The following SLA2 variants were observed in gnomAD, a reference collection of about 807,000 sequenced individuals.
SLA2 encodes Src like adaptor 2.
SLA2 carries 22 observed loss-of-function variants against 27.3 expected under a neutral mutation model. That is an observed-to-expected ratio of 0.81 (90% CI 0.58 to 1.15). SLA2 has a LOEUF of 1.15. SLA2 is among the 50% of genes most tolerant of loss of function. The pLI is 0.00. For synonymous variants in SLA2, 131 were observed against 137.8 expected (o/e 0.95, Z 0.34); for missense variants, 304 against 322.2 (o/e 0.94, Z 0.43).
rs749561301 is a variant in SLA2 at position 36,641,370 on chromosome 20, G to A, written c.-35C>T. 4.9e-5 allele frequency: 77 copies of A among 1,580,412 alleles called. No homozygotes were observed. In the East Asian group the frequency reaches 1.1e-3, roughly 22 times the overall value. On this transcript the variant is annotated 5_prime_UTR_variant, in exon 2 of 8. Transcript: ENST00000262866. Reference sequence around the variant, plus strand: ...GCAGAGCACTCAGAAGCACATCATCGAGGGAAATCTGAAAGAGACACAGTG... The same window carrying A: ...GCAGAGCACTCAGAAGCACATCATCAAGGGAAATCTGAAAGAGACACAGTG...
intron 2 of SLA2, among the ~76,000 whole-genome samples, chr20:36,640,988 T>A (rs757740931): frequency 2.0e-5 from 3 of 152,184 alleles, no homozygotes; most frequent in African/African-American, 4.8e-5. Flanking sequence ...CATGCCCTCC[T>A]GGTTTAATAT....
intron 1 of SLA2, among the ~76,000 whole-genome samples, chr20:36,643,924 C>A (rs1031076939): frequency 5.3e-5 from 8 of 152,222 alleles, no homozygotes; most frequent in Admixed American, 2.0e-4. Context: ...TGCACTGCAG[C>A]CTGGGCGACA....
intron 1 of SLA2, among the ~76,000 whole-genome samples, chr20:36,642,991 G>A (rs1486664340): frequency 6.6e-6 from 1 of 152,156 alleles, no homozygotes; most frequent in African/African-American, 2.4e-5. Context: ...GGGATTACAG[G>A]TGTGAGCCAT....
chr20:36,629,269 T>C (rs937000706), intron 5 of SLA2, among the ~76,000 whole-genome samples: 22 of 152,064 alleles, frequency 1.4e-4, no homozygotes, highest in Middle Eastern at 3.4e-3. Context: ...TTCGCCATGT[T>C]GGCCAAGCTG....
rs140861273 is a variant in SLA2 at position 36,644,531 on chromosome 20, G to A, written c.-44+1306C>T. ...GAGACTCCTTCCTGCCGCAGGTGGA[G>A]CTGGGGGCTGGGCCCAAAGGCAGAT... is the stretch of plus-strand genomic sequence containing the variant. On this transcript the variant is annotated intron_variant, in intron 1 of 7. Transcript: ENST00000262866. Among the ~76,000 whole-genome samples the A allele has an allele frequency of 1.9e-3, 285 of 152,326 alleles. 2 individuals are homozygous for A. The highest frequency in any genetic ancestry group is 6.4e-3 in the African/African-American group (268 of 41,578).
In SLA2 at chr20:36,646,192, C is replaced by G. The variant is rs569284001; in HGVS notation, c.-399G>C. The stretch of plus-strand genomic sequence containing the variant: ...CGTGGGGTCCTTGGAGCTCTAGCTC[C>G]GACTGCAGACTCTGTGGTTCTCACA... On this transcript the variant is annotated 5_prime_UTR_variant, in exon 1 of 8. Transcript: ENST00000262866. 1 of 152,232 alleles carries G rather than the reference C, an allele frequency of 6.6e-6. No individual in the cohort carries two copies. Among genetic ancestry groups the G allele is most frequent in the Non-Finnish European group, 1.5e-5 (1 of 68,058 alleles). The allele number at this position is 152,232 out of a possible 1,614,324, so 9.4% of individuals were successfully genotyped here.
intron 5 of SLA2, among the ~76,000 whole-genome samples, chr20:36,622,210 C>CA (rs549536610): frequency 0.017 from 1,758 of 100,866 alleles, 19 homozygotes; most frequent in Middle Eastern, 0.043. Context: ...GACTTGATCT[C>CA]AAAAAAAAAA....
At chr20:36,627,691 C>T (rs2039353422) in intron 5 of SLA2, among the ~76,000 whole-genome samples, 1 of 152,236 alleles carries the variant, frequency 6.6e-6, no homozygotes, top group Non-Finnish European at 1.5e-5. Context: ...AATCCTGTGA[C>T]CTCCACAAAG....
chr20:36,624,178 T>TCCTG (rs2039312463), intron 5 of SLA2, among the ~76,000 whole-genome samples: 1 of 152,044 alleles, frequency 6.6e-6, no homozygotes, highest in African/African-American at 2.4e-5. Flanking sequence ...TACTACGGCT[T>TCCTG]CCTGCGCGGC....
chr20:36,620,340 C>T (rs2039267912), intron 5 of SLA2: 1 of 156,944 alleles, frequency 6.4e-6, no homozygotes, highest in Admixed American at 6.6e-5. Context: ...GAGATTGCGC[C>T]ACTGTACTCC....
intron 5 of SLA2, among the ~76,000 whole-genome samples, chr20:36,623,365 G>A (rs513959): frequency 6.6e-6 from 1 of 150,798 alleles, no homozygotes; most frequent in African/African-American, 2.4e-5. Flanking sequence ...TGTTCTTACC[G>A]CTTCTACTCA....
chr20:36,614,042 A>G, intron 7 of SLA2, 56 bp from the exon 8 acceptor site: 3 of 1,602,080 alleles, frequency 1.9e-6, no homozygotes, highest in East Asian at 2.2e-5. Flanking sequence ...CCCTGTACTC[A>G]CTACACACAA....
chr20:36,636,621 A>ATATATAT (rs1283539835), intron 2 of SLA2, among the ~76,000 whole-genome samples: 18 of 125,700 alleles, frequency 1.4e-4, no homozygotes, highest in African/African-American at 5.8e-4. Context: ...GAAAAAAAAA[A>ATATATAT]AAATATATAT....
chr20:36,617,352 G>A (rs1018499898), intron 5 of SLA2, among the ~76,000 whole-genome samples: 4 of 151,878 alleles, frequency 2.6e-5, no homozygotes, highest in South Asian at 4.2e-4. Context: ...GCAACAGAGC[G>A]AGACTCCATC....
chr20:36,620,911 G>T, intron 5 of SLA2: 1 of 297,350 alleles, frequency 3.4e-6, no homozygotes, highest in Non-Finnish European at 6.7e-6. Flanking sequence ...AAGTGAAAAA[G>T]GCCCTTACTA....
chr20:36,635,848 T>A (rs2039439283), intron 2 of SLA2, among the ~76,000 whole-genome samples: 2 of 152,136 alleles, frequency 1.3e-5, no homozygotes, highest in African/African-American at 2.4e-5. Context: ...TCCCCCTGAA[T>A]GGCCTCACTC....
intron 5 of SLA2, among the ~76,000 whole-genome samples, chr20:36,617,170 C>T (rs1012107670): frequency 1.3e-5 from 2 of 149,582 alleles, no homozygotes; most frequent in Non-Finnish European, 3.0e-5. Context: ...ACAGCCTGAC[C>T]AATGTGGCGA....
At position 36,628,666 on chromosome 20, in the gene SLA2, C is replaced by CGGG. The variant is rs545808738; in HGVS notation, c.382+3928_382+3929insCCC. On this transcript the variant is annotated intron_variant, in intron 5 of 7. Transcript: ENST00000262866. ...GCTTAAGTGATCCTCCTGCCTCAGC[C>CGGG]TCCCAAGTAGCTTAGACAACACGCA... Among the ~76,000 whole-genome samples, 5 of 152,088 alleles carry CGGG rather than the reference C, an allele frequency of 3.3e-5. No homozygotes were observed. The South Asian group carries it at 1.0e-3, about 32-fold the overall frequency.
intron 3 of SLA2, 102 bp downstream of exon 3, chr20:36,634,388 A>G: frequency 1.2e-6 from 1 of 857,178 alleles, no homozygotes; most frequent in Non-Finnish European, 1.8e-6. Context: ...AGCTCCAGCG[A>G]TTCTCCCACC....
Sources: gnomAD v4.1 joint callset for allele counts (sites outside exome capture counted in the v4.1 genomes callset) on GRCh38, gnomAD v4.1.1 for gene constraint, MANE v1.5 for transcripts, NCBI Gene and HGNC (gene_info 2026-07-23, HGNC 2026-07-21) for gene names.